ECT2: variants seen among roughly 807,000 people sequenced by gnomAD.
The protein encoded by ECT2 is protein ECT2.
ECT2 carries 61 observed loss-of-function variants against 116.9 expected under a neutral mutation model. The ratio of observed to expected loss-of-function variants is 0.52; its 90% CI spans 0.42 to 0.65. ECT2 has a LOEUF of 0.65. Among genes scored for constraint, ECT2 ranks in the 30% least tolerant of loss-of-function variants. ECT2 has a pLI of 0.00. For synonymous variants in ECT2, 358 were observed against 346.4 expected (o/e 1.03, Z -0.37); for missense variants, 937 against 1,078.7 (o/e 0.87, Z 1.84).
intron 5 of ECT2, 139 bp from the exon 6 acceptor site, chr3:172,758,841 A>G (rs1717620176): frequency 1.6e-5 from 11 of 688,748 alleles, no homozygotes; most frequent in Middle Eastern, 2.9e-4. Context: ...TTTGTTGCAT[A>G]TTGAAAAAAT....
At chr3:172,754,742 A>C (rs1716617663) in intron 2 of ECT2, 82 bp downstream of exon 2, 1 of 1,079,358 alleles carries the variant, frequency 9.3e-7, no homozygotes, top group Non-Finnish European at 1.3e-6. Flanking sequence ...ATTTAATTTT[A>C]ATACCAACTG....
At chr3:172,767,771 G>A (rs6769276) in intron 12 of ECT2, among the ~76,000 whole-genome samples, 134,269 of 151,482 alleles carry the variant, frequency 0.89, 60,033 homozygotes, top group Non-Finnish European at 0.95. Context: ...GCTGGAGTGT[G>A]GTGGCGTGGG....
At chr3:172,774,109 A>G (rs1721203226) in intron 14 of ECT2, 87 bp downstream of exon 14, 1 of 1,359,706 alleles carries the variant, frequency 7.4e-7, no homozygotes, top group African/African-American at 1.5e-5. Flanking sequence ...GGTTAGCTAA[A>G]TAAGTTTTGT....
Position 172,820,329 on chromosome 3 carries a change from G to T in ECT2, c.*92G>T. 7.3e-6 allele frequency: 6 copies of T among 817,568 alleles called. No individual in the cohort carries two copies. The South Asian group carries it at 1.4e-4, about 19-fold the overall frequency. The allele number at this position is 817,568 out of a possible 1,614,324, so 50.6% of individuals were successfully genotyped here. A position where few individuals can be genotyped will look rare whatever the true frequency, so the allele number is the denominator to read the frequency against. ...AAATGGTACTTGTAATTAGCACTTG[G>T]TGAAAGCTGGAAGGAAGATAAATAA... is the stretch of plus-strand genomic sequence containing the variant. On this transcript the variant is annotated 3_prime_UTR_variant, in exon 25 of 25. Coordinates refer to ENST00000392692, the MANE Select transcript of ECT2 (RefSeq NM_001258315.2).
chr3:172,816,882 T>C, intron 24 of ECT2, 45 bp downstream of exon 24: 2 of 1,429,168 alleles, frequency 1.4e-6, no homozygotes, highest in Non-Finnish European at 1.9e-6. Context: ...ATTTATGAAG[T>C]TGTTATGGAA....
At chr3:172,794,263 T>G (rs146488761) in intron 18 of ECT2, among the ~76,000 whole-genome samples, 1 of 152,342 alleles carries the variant, frequency 6.6e-6, no homozygotes, top group Non-Finnish European at 1.5e-5. Flanking sequence ...ATGATCCATT[T>G]TGAGTTAATT....
intron 24 of ECT2, chr3:172,818,827 G>T: frequency 1.7e-6 from 2 of 1,145,526 alleles, no homozygotes; most frequent in Non-Finnish European, 2.2e-6. Context: ...GAGCTTATTA[G>T]CTATTTAAAA....
At chr3:172,810,779 G>T (rs1032858167) in intron 22 of ECT2, among the ~76,000 whole-genome samples, 1 of 152,040 alleles carries the variant, frequency 6.6e-6, no homozygotes, top group African/African-American at 2.4e-5. Flanking sequence ...AAAATTTCCT[G>T]GGAATTAACA....
At chr3:172,778,001 G>A (rs1441520569) in intron 14 of ECT2, among the ~76,000 whole-genome samples, 1 of 152,176 alleles carries the variant, frequency 6.6e-6, no homozygotes, top group Non-Finnish European at 1.5e-5. Flanking sequence ...CAAAAGAATT[G>A]TGTACTTGTT....
At chr3:172,803,564 A>G (rs1308228560) in intron 20 of ECT2, among the ~76,000 whole-genome samples, 1 of 152,152 alleles carries the variant, frequency 6.6e-6, no homozygotes, top group East Asian at 1.9e-4. Context: ...TAACTTGTTC[A>G]TCCCTCTAAT....
chr3:172,757,887 GTATT>G (rs199782004), intron 5 of ECT2, among the ~76,000 whole-genome samples: 5 of 151,478 alleles, frequency 3.3e-5, no homozygotes, highest in Admixed American at 1.3e-4. Flanking sequence ...TTAGCTTTTT[GTATT>G]TATTTATTTA....
At chr3:172,789,225 T>G (rs979605386) in intron 18 of ECT2, among the ~76,000 whole-genome samples, 1 of 150,078 alleles carries the variant, frequency 6.7e-6, no homozygotes, top group Non-Finnish European at 1.5e-5. Flanking sequence ...TTTTTGTTTT[T>G]TTTTTTTTTT....
chr3:172,777,778 A>G (rs1336941521), intron 14 of ECT2, among the ~76,000 whole-genome samples: 1 of 152,182 alleles, frequency 6.6e-6, no homozygotes. Flanking sequence ...GCATGCCTGT[A>G]GTTCCAACTC....
intron 17 of ECT2, among the ~76,000 whole-genome samples, chr3:172,785,770 G>T (rs1723499771): frequency 6.6e-6 from 1 of 152,038 alleles, no homozygotes; most frequent in African/African-American, 2.4e-5. Context: ...AAAATGATTT[G>T]TCCACTATTT....
At chr3:172,798,215 G>A (rs1726078891) in intron 18 of ECT2, among the ~76,000 whole-genome samples, 2 of 151,974 alleles carry the variant, frequency 1.3e-5, no homozygotes, top group South Asian at 4.1e-4. Context: ...TTCACAAATT[G>A]TGTAAGTTAC....
intron 16 of ECT2, 67 bp downstream of exon 16, chr3:172,783,976 C>G (rs1193444861): frequency 4.4e-6 from 5 of 1,124,994 alleles, no homozygotes; most frequent in Non-Finnish European, 6.4e-6. Flanking sequence ...ACAATTATGA[C>G]AAAAATGAAG....
chr3:172,776,513 G>A (rs965806074), intron 14 of ECT2, among the ~76,000 whole-genome samples: 1 of 151,794 alleles, frequency 6.6e-6, no homozygotes, highest in Non-Finnish European at 1.5e-5. Context: ...ACCATCTATT[G>A]AGCATTACCA....
intron 21 of ECT2, among the ~76,000 whole-genome samples, chr3:172,806,280 G>C (rs896726346): frequency 6.6e-6 from 1 of 152,162 alleles, no homozygotes; most frequent in Non-Finnish European, 1.5e-5. Flanking sequence ...TTAGGGCTAT[G>C]TTTAAGGTAC....
intron 23 of ECT2, 32 bp from the exon 24 acceptor site, chr3:172,816,659 C>T (rs753527818): frequency 7.1e-6 from 11 of 1,543,764 alleles, no homozygotes; most frequent in Non-Finnish European, 9.7e-6. Context: ...TTGAATTTGT[C>T]TAGGTTTAAC....
Sources: allele counts gnomAD v4.1 joint callset (sites outside exome capture counted in the v4.1 genomes callset), GRCh38; gene constraint gnomAD v4.1.1; transcripts MANE v1.5; gene names NCBI Gene and HGNC (gene_info 2026-07-23, HGNC 2026-07-21).